Variants in ADAMTSL2 observed in about 807,000 individuals in gnomAD.
ADAMTSL2 encodes ADAMTS-like protein 2.
In ADAMTSL2, 55 loss-of-function variants were observed where a neutral mutation model predicts 117.0. The ratio of observed to expected loss-of-function variants is 0.47; its 90% CI spans 0.38 to 0.59. The LOEUF is 0.59. Ranked by LOEUF, ADAMTSL2 falls within the 20% of genes least tolerant of loss-of-function variation. The pLI, the probability that ADAMTSL2 is intolerant of heterozygous loss-of-function variation, is 0.00. For missense variants in ADAMTSL2, 1,182 were observed against 1,354.5 expected, an observed-to-expected ratio of 0.87 and a Z score of 2.00; for synonymous variants, 572 against 566.4, an observed-to-expected ratio of 1.01 and a Z score of -0.14.
chr9:133,573,958 A>T lies in ADAMTSL2; in HGVS notation c.2708A>T (p.Asp903Val), dbSNP rs1831169248. Residue 903 changes from aspartate to valine, a missense_variant, in exon 18 of 19, where the codon GAT becomes GTT. By Grantham distance (152) the Asp-to-Val change is radical. Transcript: ENST00000651351. The part of the protein sequence containing the change: ...LVKPVGRQAC[D>V]LQPCPTEPPD... ...AAGCCCGTTGGCAGACAGGCCTGTG[A>T]TCTGCAGCCCTGCCCCACGGAGCCC... is the stretch of plus-strand genomic sequence containing the variant. 1 of 1,613,716 alleles carries T rather than the reference A, an allele frequency of 6.2e-7. No individual in the cohort carries two copies. The highest frequency in any genetic ancestry group is 8.5e-7 in the Non-Finnish European group (1 of 1,179,996).
rs1830367970 is a variant in ADAMTSL2, at chr9:133,547,109, A to G, written c.835A>G (p.Ile279Val). ...YKVDSPKNFN[I>V]AGTVVKYRRP... ...GGTGGACAGCCCCAAGAACTTCAACATCGCAGGCACGGTGGTCAAGTACAG... is the reference window on the plus strand; with the variant it reads ...GGTGGACAGCCCCAAGAACTTCAACGTCGCAGGCACGGTGGTCAAGTACAG... Residue 279 changes from isoleucine (I) to valine (V), a missense_variant, in exon 9 of 19, where the codon ATC becomes GTC. By Grantham distance (29) the Ile-to-Val change is conservative (BLOSUM62 3). Around this residue, in one of 3 missense-constraint regions of ADAMTSL2, gnomAD observed 372 missense variants for 463.4 expected, o/e 0.80. Coordinates refer to ENST00000651351, the MANE Select transcript of ADAMTSL2 (RefSeq NM_014694.4). 6.2e-7 allele frequency: 1 copy of G among 1,613,696 alleles called. No individual in the cohort carries two copies. Among genetic ancestry groups the G allele is most frequent in the Non-Finnish European group, 8.5e-7 (1 of 1,179,778 alleles).
chr9:133,545,740 C>T (rs1272026425), intron 8 of ADAMTSL2, among the ~76,000 whole-genome samples: 1 of 152,180 alleles, frequency 6.6e-6, no homozygotes, highest in Non-Finnish European at 1.5e-5. Context: ...CAAGGGTGGG[C>T]TCGGAGCACT....
chr9:133,550,896 C>T (rs1483277591), intron 9 of ADAMTSL2, among the ~76,000 whole-genome samples: 3 of 152,146 alleles, frequency 2.0e-5, no homozygotes, highest in Non-Finnish European at 2.9e-5. Flanking sequence ...CGCATGGTGA[C>T]ACTTCCTGGT....
chr9:133,574,740 C>T lies in ADAMTSL2; in HGVS notation c.2738-6C>T, dbSNP rs1479076357. ...TGCCCTGCTTCGCTCTGTGTTCCTT[C>T]TCCAGATGACAGCTGCCAGGACCAG... is the stretch of plus-strand genomic sequence containing the variant. On this transcript the variant is annotated splice_polypyrimidine_tract_variant and splice_region_variant and intron_variant, in intron 18 of 18. Transcript: ENST00000651351. The T allele has an allele frequency of 6.2e-7, 1 of 1,612,680 alleles. No homozygotes were observed. Among genetic ancestry groups the T allele is most frequent in the Non-Finnish European group, 8.5e-7 (1 of 1,179,092 alleles).
chr9:133,555,355 C>T, intron 10 of ADAMTSL2, among the ~76,000 whole-genome samples: 1 of 152,112 alleles, frequency 6.6e-6, no homozygotes, highest in East Asian at 1.9e-4. Context: ...ATTGAATTCC[C>T]ATCAGCAAGA....
chr9:133,562,582 C>T (rs1200875654), intron 12 of ADAMTSL2, among the ~76,000 whole-genome samples: 11 of 102,038 alleles, frequency 1.1e-4, no homozygotes, highest in South Asian at 2.7e-4. Flanking sequence ...CCCTGCTGGG[C>T]CCGGCTCGCA....
At chr9:133,551,718 G>T (rs908699844) in intron 9 of ADAMTSL2, among the ~76,000 whole-genome samples, 1 of 151,544 alleles carries the variant, frequency 6.6e-6, no homozygotes, top group Non-Finnish European at 1.5e-5. Context: ...TATAGGATCT[G>T]CCAGGTCATA....
intron 4 of ADAMTSL2, among the ~76,000 whole-genome samples, chr9:133,539,087 CAG>C (rs1366955290): frequency 6.6e-6 from 1 of 152,140 alleles, no homozygotes; most frequent in Admixed American, 6.5e-5. Context: ...CTGTGTGTCT[CAG>C]GGGGTGTGTG....
intron 11 of ADAMTSL2, among the ~76,000 whole-genome samples, chr9:133,560,812 G>A (rs985777109): frequency 6.6e-6 from 1 of 152,198 alleles, no homozygotes; most frequent in Admixed American, 6.5e-5. Context: ...TCCCCTCCCC[G>A]GTGGGAAGAA....
At chr9:133,535,144 C>T (rs944320760) in intron 1 of ADAMTSL2, among the ~76,000 whole-genome samples, 7 of 152,282 alleles carry the variant, frequency 4.6e-5, no homozygotes, top group Middle Eastern at 6.8e-3. Context: ...TCTCTGCTGC[C>T]GCCAGCCGCT....
At chr9:133,541,295 T>C (rs1830218034) in intron 7 of ADAMTSL2, among the ~76,000 whole-genome samples, 1 of 151,174 alleles carries the variant, frequency 6.6e-6, no homozygotes, top group Non-Finnish European at 1.5e-5. Context: ...AATGCACCTT[T>C]TTTTTTTTTT....
intron 11 of ADAMTSL2, among the ~76,000 whole-genome samples, chr9:133,560,215 G>T (rs1830694196): frequency 6.6e-6 from 1 of 152,208 alleles, no homozygotes; most frequent in South Asian, 2.1e-4. Context: ...GGCGGCTTGG[G>T]GTCATCTCTA....
chr9:133,544,637 A>T, intron 8 of ADAMTSL2, 87 bp downstream of exon 8: 1 of 1,159,152 alleles, frequency 8.6e-7, no homozygotes, highest in Non-Finnish European at 1.3e-6. Context: ...TTGACCCTGG[A>T]CCCCTTCCTC....
At chr9:133,553,705 C>T (rs1026705701) in intron 9 of ADAMTSL2, among the ~76,000 whole-genome samples, 3 of 152,310 alleles carry the variant, frequency 2.0e-5, no homozygotes, top group Admixed American at 2.0e-4. Flanking sequence ...CCTAGGCCTG[C>T]CTGCTCCTGA....
At chr9:133,565,839 CCACACACA>C (rs71281253) in intron 12 of ADAMTSL2, among the ~76,000 whole-genome samples, 5 of 144,046 alleles carry the variant, frequency 3.5e-5, no homozygotes, top group East Asian at 2.1e-4. Context: ...TCTCCCGTGG[CCACACACA>C]CACACACACA....
intron 11 of ADAMTSL2, among the ~76,000 whole-genome samples, chr9:133,560,417 G>A (rs1270596282): frequency 2.6e-5 from 4 of 152,254 alleles, no homozygotes; most frequent in Non-Finnish European, 5.9e-5. Flanking sequence ...CTGTGGAGCT[G>A]CTGCCGCCTC....
chr9:133,538,811 C>A (rs933890948), intron 4 of ADAMTSL2, among the ~76,000 whole-genome samples: 1 of 152,242 alleles, frequency 6.6e-6, no homozygotes, highest in East Asian at 1.9e-4. Context: ...CAGTACCCCC[C>A]ACGCCATAAA....
At position 133,554,392 on chromosome 9, in the gene ADAMTSL2, C is replaced by T. The variant is rs1040331678; in HGVS notation, c.975C>T (p.Thr325=). 1.3e-5 allele frequency: 21 copies of T among 1,562,542 alleles called. No homozygotes were observed. The South Asian group carries it at 2.2e-4, about 16-fold the overall frequency. ...WNQNGKSPSI[T]FEYTLLQPPH... is the part of the protein sequence containing the mutation. ...AGAACGGCAAAAGCCCCTCCATCAC[C>T]TTCGAGTACACGCTGCTGCAGCCGC... The change falls in exon 10 of 19, where the codon ACC becomes ACT. Residue 325 remains threonine (T), a synonymous_variant. Coordinates refer to ENST00000651351, the MANE Select transcript of ADAMTSL2 (RefSeq NM_014694.4). This position sits in a 1 kb window ranked among gnomAD's most constrained non-coding sequence, Gnocchi z 5.2.
At chr9:133,541,197 C>G (rs1175624568) in intron 7 of ADAMTSL2, among the ~76,000 whole-genome samples, 196 bp downstream of exon 7, 2 of 152,148 alleles carry the variant, frequency 1.3e-5, no homozygotes, top group East Asian at 1.9e-4. Context: ...AATGGGCAAC[C>G]CTTTGTTGAG....
Sources: allele counts gnomAD v4.1 joint callset (sites outside exome capture counted in the v4.1 genomes callset), GRCh38; gene constraint gnomAD v4.1.1; regional missense constraint gnomAD v4.1.1; non-coding constraint Gnocchi (gnomAD v3.1); transcripts MANE v1.5; gene names NCBI Gene and HGNC (gene_info 2026-07-23, HGNC 2026-07-21).